Variants in LOXL4 observed in about 807,000 individuals in gnomAD.
LOXL4 encodes lysyl oxidase homolog 4.
In LOXL4, 72 loss-of-function variants were observed where a neutral mutation model predicts 89.1. The ratio of observed to expected loss-of-function variants is 0.81; its 90% confidence interval spans 0.67 to 0.98. The LOEUF is 0.98. Among genes scored for constraint, LOXL4 ranks in the 50% least tolerant of loss-of-function variants. The pLI is 0.00. For synonymous variants in LOXL4, 355 were observed against 392.1 expected (o/e 0.91, Z 1.12); for missense variants, 984 against 1,017.5 (o/e 0.97, Z 0.45).
chr10:98,267,462 G>C (rs899165398), intron 1 of LOXL4, among the ~76,000 whole-genome samples: 1 of 152,204 alleles, frequency 6.6e-6, no homozygotes, highest in Non-Finnish European at 1.5e-5. Context: ...GTATTCAAGA[G>C]AGAGCATGGG....
At chr10:98,259,482 C>T (rs1043655227) in intron 4 of LOXL4, 53 bp from the exon 5 acceptor site, 60 of 1,502,432 alleles carry the variant, frequency 4.0e-5, no homozygotes, top group Non-Finnish European at 4.9e-5. Flanking sequence ...AGTCCCACCC[C>T]CTGCCACCTG....
chr10:98,248,824 CCCTTTT>C lies in LOXL4; in HGVS notation c.*91_*96del. On this transcript the variant is annotated 3_prime_UTR_variant, in exon 15 of 15. Coordinates refer to ENST00000260702, the MANE Select transcript of LOXL4 (RefSeq NM_032211.7). ...GGTTCTTGGTGCCCCTTGGCACTGG[CCCTTTT>C]CCTCTGAGTTGGGACTCTGTGAAGG... is the stretch of plus-strand genomic sequence containing the variant. The C allele has an allele frequency of 8.9e-7, 1 of 1,126,616 alleles. No homozygotes were observed. Among genetic ancestry groups the C allele is most frequent in the East Asian group, 2.5e-5 (1 of 40,662 alleles). The allele number at this position is 1,126,616 out of a possible 1,614,324, so 69.8% of individuals were successfully genotyped here.
At position 98,256,981 on chromosome 10, in the gene LOXL4, A is replaced by G. The variant is rs113112505; in HGVS notation, c.1261-34T>C. The G allele has an allele frequency of 3.5e-3, 5,586 of 1,604,602 alleles. 134 individuals are homozygous for G. The African/African-American group carries it at 0.056, about 16-fold the overall frequency. On this transcript the variant is annotated intron_variant, in intron 8 of 14. Coordinates refer to ENST00000260702, the MANE Select transcript of LOXL4 (RefSeq NM_032211.7). Reference sequence around the variant, plus strand: ...GCGAGGGGTGTGTGAGGAGTGGGGTAGCCTTGCAGGGAAGAGCTCAGGGCT... The same window carrying G: ...GCGAGGGGTGTGTGAGGAGTGGGGTGGCCTTGCAGGGAAGAGCTCAGGGCT...
rs563108483 is a variant in LOXL4 at position 98,260,479 on chromosome 10, G to A, written c.662+443C>T. ...CAACTGTTTTCACCGGGGGCGGGGG[G>A]TGGGGGGGCGTTCTGTACCTAGTTA... On this transcript the variant is annotated intron_variant, in intron 4 of 14. Transcript: ENST00000260702. Among the ~76,000 whole-genome samples the A allele has an allele frequency of 5.0e-5, 7 of 140,084 alleles. No homozygotes were observed. The East Asian group carries it at 1.5e-3, about 30-fold the overall frequency. 91.9% of individuals were successfully genotyped at this position (140,084 alleles called of 152,430 possible). A position where few individuals can be genotyped will look rare whatever the true frequency, so the allele number is the denominator to read the frequency against.
Position 98,252,387 on chromosome 10 carries a change from G to A in LOXL4, c.1917C>T (p.Ala639=), listed in dbSNP as rs1243513600. The part of the protein sequence containing the change: ...NGSKVAEGHK[A]SFCLEDTNCP... ...AGTTTGTGTCCTCCAGACAGAAGCT[G>A]GCCTTGTGCCCCTCAGCCACCTTGG... The change falls in exon 12 of 15, where the codon GCC becomes GCT. Residue 639 remains alanine (A), a synonymous_variant. Coordinates refer to ENST00000260702, the MANE Select transcript of LOXL4 (RefSeq NM_032211.7). The A allele has an allele frequency of 6.2e-7, 1 of 1,614,094 alleles. No homozygotes were observed. The highest frequency in any genetic ancestry group is 1.1e-5 in the South Asian group (1 of 91,076).
chr10:98,252,309 T>A (rs772021262), intron 12 of LOXL4, 44 bp downstream of exon 12: 28 of 1,432,520 alleles, frequency 2.0e-5, no homozygotes, highest in Non-Finnish European at 2.7e-5. Context: ...CTGAAGAACA[T>A]AACAAAAGGA....
intron 4 of LOXL4, among the ~76,000 whole-genome samples, chr10:98,260,387 G>T (rs369952793): frequency 6.6e-6 from 1 of 151,776 alleles, no homozygotes; most frequent in Non-Finnish European, 1.5e-5. Context: ...AACTCTACAC[G>T]TGGGTGTCAC....
At chr10:98,261,182 C>A in intron 3 of LOXL4, 55 bp from the exon 4 acceptor site, 1 of 1,566,584 alleles carries the variant, frequency 6.4e-7, no homozygotes, top group Non-Finnish European at 8.7e-7. Context: ...TCCAGTGGAG[C>A]CTGCTGCAGA....
At chr10:98,264,776 G>A (rs765214845) in intron 1 of LOXL4, among the ~76,000 whole-genome samples, 9 of 152,290 alleles carry the variant, frequency 5.9e-5, no homozygotes, top group East Asian at 1.9e-4. Flanking sequence ...CTCTGCTGCC[G>A]ATGGAAGCTA....
At position 98,249,366 on chromosome 10, in the gene LOXL4, G is replaced by C. The variant is rs530813195; in HGVS notation, c.2201-375C>G. The stretch of plus-strand genomic sequence containing the variant: ...TGGAAAGCAACAGCAGAAGGTCAGA[G>C]GGTGGAAGGAGAGAGGCCGGATATT... On this transcript the variant is annotated intron_variant, in intron 14 of 14. Transcript: ENST00000260702. Among the ~76,000 whole-genome samples the C allele has an allele frequency of 3.9e-5, 6 of 152,316 alleles. No individual in the cohort carries two copies. In the South Asian group the frequency reaches 8.3e-4, roughly 21 times the overall value.
At chr10:98,262,305 T>C in intron 2 of LOXL4, 92 bp from the exon 3 acceptor site, 1 of 1,361,718 alleles carries the variant, frequency 7.3e-7, no homozygotes, top group South Asian at 1.3e-5. Context: ...CCAAGTCACC[T>C]CTTCCAAACC....
At position 98,259,500 on chromosome 10, in the gene LOXL4, A is replaced by ATAG; in HGVS notation, c.663-74_663-72dup. On this transcript the variant is annotated intron_variant, in intron 4 of 14. Transcript: ENST00000260702. ...CCCACCCCCTGCCACCTGGTTCCTC[A>ATAG]TAGTTGTCCTTAAGTTTGCACAGGA... 2.2e-6 allele frequency: 3 copies of ATAG among 1,350,468 alleles called. No homozygotes were observed. In the Admixed American group the frequency reaches 5.3e-5, roughly 24 times the overall value. The allele number at this position is 1,350,468 out of a possible 1,614,324, so 83.7% of individuals were successfully genotyped here.
chr10:98,252,000 A>G (rs529327548), intron 12 of LOXL4: 4 of 485,094 alleles, frequency 8.2e-6, no homozygotes, highest in South Asian at 2.5e-5. Flanking sequence ...CTAAAGATTC[A>G]GTGTTTACCA....
chr10:98,262,214 C>T lies in LOXL4; in HGVS notation c.278-1G>A, dbSNP rs778122751. 4.3e-5 allele frequency: 69 copies of T among 1,613,278 alleles called. 1 individual carries two copies. The South Asian group carries it at 7.3e-4, about 17-fold the overall frequency. The stretch of plus-strand genomic sequence containing the variant: ...CGCACATTGTCCAGCCAGATGGGTC[C>T]TGTGGAGTGGAGGTGATGCTCAAAG... On this transcript the variant is annotated splice_acceptor_variant, in intron 2 of 14. Coordinates refer to ENST00000260702, the MANE Select transcript of LOXL4 (RefSeq NM_032211.7). LOFTEE classifies it high-confidence loss of function.
chr10:98,261,942 C>T (rs1858552848), intron 3 of LOXL4, 93 bp downstream of exon 3: 13 of 1,312,596 alleles, frequency 9.9e-6, no homozygotes, highest in Non-Finnish European at 1.1e-5. Flanking sequence ...TGCACCCTTT[C>T]CCCTCGCTTA....
At chr10:98,263,086 C>T (rs918176392) in intron 1 of LOXL4, 35 bp from the exon 2 acceptor site, 33 of 1,555,634 alleles carry the variant, frequency 2.1e-5, no homozygotes, top group Non-Finnish European at 2.8e-5. Context: ...TGATCACCAC[C>T]TCTACCCAGA....
chr10:98,266,677 C>T (rs1406046850), intron 1 of LOXL4, among the ~76,000 whole-genome samples: 2 of 152,160 alleles, frequency 1.3e-5, no homozygotes, highest in Non-Finnish European at 2.9e-5. Context: ...TATAGGCCCC[C>T]GAGAGCTTTT....
intron 1 of LOXL4, among the ~76,000 whole-genome samples, chr10:98,266,197 C>T (rs1285622723): frequency 6.6e-6 from 1 of 152,154 alleles, no homozygotes; most frequent in African/African-American, 2.4e-5. Flanking sequence ...CTATTAGGAC[C>T]CAGTGGTCAC....
rs776056066 is a variant in LOXL4 at position 98,256,966 on chromosome 10, T to C, written c.1261-19A>G. The C allele has an allele frequency of 1.9e-6, 3 of 1,610,924 alleles. No individual in the cohort carries two copies. Among genetic ancestry groups the C allele is most frequent in the Admixed American group, 1.7e-5 (1 of 59,744 alleles). On this transcript the variant is annotated intron_variant, in intron 8 of 14. Coordinates refer to ENST00000260702, the MANE Select transcript of LOXL4 (RefSeq NM_032211.7). The stretch of plus-strand genomic sequence containing the variant: ...AGCGCACCTGCAATGGCGAGGGGTG[T>C]GTGAGGAGTGGGGTAGCCTTGCAGG...
Sources: gnomAD v4.1 joint callset for allele counts (sites outside exome capture counted in the v4.1 genomes callset) on GRCh38, gnomAD v4.1.1 for gene constraint, MANE v1.5 for transcripts, NCBI Gene and HGNC (gene_info 2026-07-23, HGNC 2026-07-21) for gene names.